ARHGAP12: variants seen among roughly 807,000 people sequenced by gnomAD.
The protein encoded by ARHGAP12 is Rho GTPase activating protein 12.
In ARHGAP12, 64 loss-of-function variants were observed where a neutral mutation model predicts 108.6. The ratio of observed to expected loss-of-function variants is 0.59; its 90% confidence interval spans 0.48 to 0.73. ARHGAP12 has a LOEUF of 0.73. Ranked by LOEUF, ARHGAP12 falls within the 30% of genes least tolerant of loss-of-function variation. The pLI is 0.00. For synonymous variants in ARHGAP12, 312 were observed against 337.2 expected, an observed-to-expected ratio of 0.93 and a Z score of 0.82; for missense variants, 940 against 1,005.9, an observed-to-expected ratio of 0.93 and a Z score of 0.89.
At chr10:31,913,775 G>GC (rs112598142) in intron 1 of ARHGAP12, 67,270 of 146,454 alleles carry the variant, frequency 0.46, 15,431 homozygotes, top group Admixed American at 0.5. Flanking sequence ...GTTCTAGCAG[G>GC]GTTTTTTTTT....
chr10:31,877,909 T>C (rs2132354804), intron 3 of ARHGAP12, among the ~76,000 whole-genome samples: 1 of 152,182 alleles, frequency 6.6e-6, no homozygotes, highest in East Asian at 1.9e-4. Flanking sequence ...CTGGGGAACG[T>C]GGAGAAACCC....
intron 7 of ARHGAP12, among the ~76,000 whole-genome samples, chr10:31,843,115 T>C (rs972652089): frequency 6.6e-6 from 1 of 151,848 alleles, no homozygotes; most frequent in Non-Finnish European, 1.5e-5. Context: ...GCAAGAAAAA[T>C]CTGTCACCTA....
At chr10:31,856,451 G>T (rs1435305283) in intron 4 of ARHGAP12, among the ~76,000 whole-genome samples, 2 of 152,094 alleles carry the variant, frequency 1.3e-5, no homozygotes, top group Non-Finnish European at 2.9e-5. Context: ...CAAATTATGG[G>T]TGAACCATTA....
rs1592247728 is a variant in ARHGAP12, at chr10:31,817,476, A to G, written c.1731+312T>C. On this transcript the variant is annotated intron_variant, in intron 13 of 19. Coordinates refer to ENST00000344936, the MANE Select transcript of ARHGAP12 (RefSeq NM_018287.7). ...CACCAAATAGTATTATTTCCAACTC[A>G]TTCAGTTATTGAATAAATACTATGT... Among the ~76,000 whole-genome samples, 9 of 152,304 alleles carry G rather than the reference A, an allele frequency of 5.9e-5. 3 individuals carry two copies. Among genetic ancestry groups the G allele is most frequent in the Admixed American group, 5.9e-4 (9 of 15,306 alleles).
chr10:31,836,309 T>C (rs1264705279), intron 9 of ARHGAP12, among the ~76,000 whole-genome samples: 1 of 152,168 alleles, frequency 6.6e-6, no homozygotes, highest in Non-Finnish European at 1.5e-5. Context: ...CATAGGTACA[T>C]TGGGACATAT....
Position 31,916,972 on chromosome 10 carries a change from T to C in ARHGAP12, c.-110-6409A>G, listed in dbSNP as rs144839373. Among the ~76,000 whole-genome samples, 793 of 152,308 alleles carry C rather than the reference T, an allele frequency of 5.2e-3. 4 individuals are homozygous for C. The highest frequency in any genetic ancestry group is 0.018 in the African/African-American group (749 of 41,558). ...AATTTAAGTCCAATCCAGATACGTA[T>C]AACCTATTTAGCAATGCTAATATTG... On this transcript the variant is annotated intron_variant, in intron 1 of 19. Coordinates refer to ENST00000344936, the MANE Select transcript of ARHGAP12 (RefSeq NM_018287.7).
chr10:31,834,074 T>C lies in ARHGAP12; in HGVS notation c.1387-2274A>G, dbSNP rs575692395. Among the ~76,000 whole-genome samples the C allele has an allele frequency of 2.0e-5, 3 of 152,254 alleles. 1 individual carries two copies. In the South Asian group the frequency reaches 6.2e-4, roughly 32 times the overall value. On this transcript the variant is annotated intron_variant, in intron 9 of 19. Transcript: ENST00000344936. The stretch of plus-strand genomic sequence containing the variant: ...AGACAAAATTGACAGGGACTTTTGC[T>C]AGGGTGAGAGCAAAGATCTTGGGGA...
intron 3 of ARHGAP12, among the ~76,000 whole-genome samples, chr10:31,898,170 A>G (rs904406763): frequency 6.6e-6 from 1 of 152,140 alleles, no homozygotes; most frequent in African/African-American, 2.4e-5. Context: ...CAAATCATAC[A>G]TTTGGTAAGT....
chr10:31,819,278 C>G (rs1835323667), intron 12 of ARHGAP12, among the ~76,000 whole-genome samples: 1 of 152,078 alleles, frequency 6.6e-6, no homozygotes, highest in Non-Finnish European at 1.5e-5. Flanking sequence ...GAGTAAAAAT[C>G]AGACAAACCA....
At chr10:31,920,987 C>G (rs975720147) in intron 1 of ARHGAP12, among the ~76,000 whole-genome samples, 11 of 152,086 alleles carry the variant, frequency 7.2e-5, no homozygotes, top group Admixed American at 2.0e-4. Context: ...AGTCAAAAGA[C>G]AAAATCAGGC....
chr10:31,891,163 T>C (rs1592344095), intron 3 of ARHGAP12, among the ~76,000 whole-genome samples: 1 of 152,214 alleles, frequency 6.6e-6, no homozygotes. Flanking sequence ...GGTTGATGTG[T>C]TGTTCTATAT....
At chr10:31,887,394 AT>A (rs1157520930) in intron 3 of ARHGAP12, among the ~76,000 whole-genome samples, 1 of 152,208 alleles carries the variant, frequency 6.6e-6, no homozygotes, top group Non-Finnish European at 1.5e-5. Flanking sequence ...GTTTGACCAA[AT>A]ATCTGGGCAT....
chr10:31,925,970 C>A (rs185734603), intron 1 of ARHGAP12, among the ~76,000 whole-genome samples: 149 of 152,050 alleles, frequency 9.8e-4, no homozygotes, highest in Non-Finnish European at 1.7e-3. Context: ...CACTTTTTTT[C>A]CACGTGCTTA....
At chr10:31,858,209 CA>C (rs1324183326) in intron 4 of ARHGAP12, among the ~76,000 whole-genome samples, 1 of 151,136 alleles carries the variant, frequency 6.6e-6, no homozygotes, top group African/African-American at 2.4e-5. Context: ...TGTCTCCTGC[CA>C]AAAAAGGCTC....
chr10:31,865,638 G>C (rs1382682593), intron 3 of ARHGAP12, among the ~76,000 whole-genome samples: 1 of 152,066 alleles, frequency 6.6e-6, no homozygotes, highest in African/African-American at 2.4e-5. Context: ...CACTTTGGGA[G>C]GCTGAAGCCG....
At chr10:31,871,308 T>C (rs1289333193) in intron 3 of ARHGAP12, among the ~76,000 whole-genome samples, 2 of 152,222 alleles carry the variant, frequency 1.3e-5, no homozygotes, top group Non-Finnish European at 2.9e-5. Flanking sequence ...TTAATAGACA[T>C]CAGTTTTCAT....
intron 1 of ARHGAP12, among the ~76,000 whole-genome samples, chr10:31,924,556 T>G (rs1039319345): frequency 4.6e-5 from 7 of 152,246 alleles, no homozygotes; most frequent in Non-Finnish European, 8.8e-5. Context: ...TCATGTTGTC[T>G]CCATAGATCA....
chr10:31,878,048 C>T (rs1019507369), intron 3 of ARHGAP12, among the ~76,000 whole-genome samples: 1 of 152,104 alleles, frequency 6.6e-6, no homozygotes, highest in African/African-American at 2.4e-5. Flanking sequence ...CTGGGTGACA[C>T]AGGAGACCCT....
At chr10:31,914,226 C>T (rs1047221336) in intron 1 of ARHGAP12, among the ~76,000 whole-genome samples, 1 of 152,188 alleles carries the variant, frequency 6.6e-6, no homozygotes, top group South Asian at 2.1e-4. Flanking sequence ...GAGGTCATAT[C>T]CAAAAGTCCT....
Sources: allele counts gnomAD v4.1 joint callset (sites outside exome capture counted in the v4.1 genomes callset), GRCh38; gene constraint gnomAD v4.1.1; transcripts MANE v1.5; gene names NCBI Gene and HGNC (gene_info 2026-07-23, HGNC 2026-07-21).